Variants in SUSD1 observed in about 807,000 individuals in gnomAD.
SUSD1 encodes the protein sushi domain-containing protein 1.
In SUSD1, 65 loss-of-function variants were observed where a neutral mutation model predicts 86.9. The observed-to-expected ratio is 0.75, with a 90% confidence interval of 0.61 to 0.92. The LOEUF (loss-of-function observed/expected upper bound fraction) is 0.92, where lower values mean the gene tolerates loss of function less well. Ranked by LOEUF, SUSD1 falls within the 40% of genes least tolerant of loss-of-function variation. The probability of loss-of-function intolerance (pLI) is 0.00; values close to 1 mark genes in which losing one functional copy is unlikely to be tolerated. For missense variants in SUSD1, 850 were observed against 929.7 expected, an observed-to-expected ratio of 0.91 and a Z score of 1.11; for synonymous variants, 346 against 350.0, an observed-to-expected ratio of 0.99 and a Z score of 0.13.
chr9:112,114,069 A>C (rs1831211743), intron 6 of SUSD1, among the ~76,000 whole-genome samples: 1 of 152,254 alleles, frequency 6.6e-6, no homozygotes, highest in African/African-American at 2.4e-5. Context: ...CAGCTGAGAA[A>C]GGAGGTCAGT....
At chr9:112,091,182 T>A (rs1022047567) in intron 10 of SUSD1, among the ~76,000 whole-genome samples, 2 of 152,112 alleles carry the variant, frequency 1.3e-5, no homozygotes, top group Non-Finnish European at 2.9e-5. Context: ...AGGCTAATGG[T>A]TTGTAAGAAA....
intron 5 of SUSD1, among the ~76,000 whole-genome samples, chr9:112,127,912 T>C (rs915049074): frequency 2.0e-5 from 3 of 150,622 alleles, no homozygotes; most frequent in Admixed American, 6.6e-5. Context: ...AAGAAATCCT[T>C]CCACCTCTGC....
intron 12 of SUSD1, among the ~76,000 whole-genome samples, chr9:112,073,673 A>G (rs1330442487): frequency 1.3e-5 from 2 of 152,076 alleles, no homozygotes; most frequent in African/African-American, 4.8e-5. Flanking sequence ...AGATCACTTG[A>G]GGTCAGGAGT....
At chr9:112,067,642 C>T (rs1829048640) in intron 12 of SUSD1, among the ~76,000 whole-genome samples, 1 of 152,154 alleles carries the variant, frequency 6.6e-6, no homozygotes, top group African/African-American at 2.4e-5. Context: ...GTGGTGGAGA[C>T]AGTGAGGACA....
chr9:112,076,131 G>C (rs1051046435), intron 12 of SUSD1, among the ~76,000 whole-genome samples: 1 of 152,198 alleles, frequency 6.6e-6, no homozygotes, highest in Non-Finnish European at 1.5e-5. Context: ...GTGCTGACAT[G>C]TTCCCAAATG....
intron 1 of SUSD1, among the ~76,000 whole-genome samples, chr9:112,172,972 T>G (rs1380865554): frequency 6.6e-6 from 1 of 152,186 alleles, no homozygotes; most frequent in Non-Finnish European, 1.5e-5. Flanking sequence ...AGCCTTGACT[T>G]CTGTTTCCCC....
At chr9:112,059,883 G>A (rs982495189) in intron 13 of SUSD1, among the ~76,000 whole-genome samples, 11 of 152,120 alleles carry the variant, frequency 7.2e-5, no homozygotes, top group Admixed American at 6.6e-4. Context: ...GGATCTGAAC[G>A]ACTGACTTGT....
chr9:112,091,416 C>G (rs1469865811), intron 10 of SUSD1, among the ~76,000 whole-genome samples: 1 of 152,152 alleles, frequency 6.6e-6, no homozygotes, highest in Non-Finnish European at 1.5e-5. Context: ...AGAAAGCCAC[C>G]TTAAGAGTAA....
At chr9:112,174,565 G>C (rs1229787883) in intron 1 of SUSD1, among the ~76,000 whole-genome samples, 1 of 152,096 alleles carries the variant, frequency 6.6e-6, no homozygotes, top group African/African-American at 2.4e-5. Flanking sequence ...ATCGCGCACA[G>C]GGAAGCTGTT....
chr9:112,069,603 T>G (rs140576652), intron 12 of SUSD1, among the ~76,000 whole-genome samples: 116 of 152,280 alleles, frequency 7.6e-4, no homozygotes, highest in African/African-American at 2.6e-3. Flanking sequence ...AAAATTAACT[T>G]TTTTTATTAC....
At chr9:112,067,990 A>G (rs1407931654) in intron 12 of SUSD1, among the ~76,000 whole-genome samples, 2 of 152,202 alleles carry the variant, frequency 1.3e-5, no homozygotes, top group African/African-American at 4.8e-5. Context: ...TTGTTAAAGC[A>G]CTACTATATA....
intron 8 of SUSD1, among the ~76,000 whole-genome samples, chr9:112,110,943 C>T (rs1192929246): frequency 6.6e-6 from 1 of 152,160 alleles, no homozygotes; most frequent in Non-Finnish European, 1.5e-5. Flanking sequence ...GTCAGCCTCC[C>T]TGGCACCTCC....
chr9:112,074,933 C>G (rs1055093650), intron 12 of SUSD1, among the ~76,000 whole-genome samples: 11 of 151,896 alleles, frequency 7.2e-5, no homozygotes, highest in African/African-American at 2.7e-4. Flanking sequence ...AACAATGTCC[C>G]CTGGTGGCCA....
chr9:112,041,952 G>A lies in SUSD1; in HGVS notation c.2158C>T (p.Leu720Phe), dbSNP rs773219985. The A allele has an allele frequency of 2.4e-5, 39 of 1,613,772 alleles. No homozygotes were observed. The highest frequency in any genetic ancestry group is 3.2e-5 in the Non-Finnish European group (38 of 1,179,884). The part of the protein sequence containing the change: ...AVWAQVKDSS[L>F]MLLQMAGVGL... Reference sequence around the variant, plus strand: ...ACACCCGCCATCTGCAGCAGCATGAGTGACGAATCTGTGGGACAAAACCAC... The same window carrying A: ...ACACCCGCCATCTGCAGCAGCATGAATGACGAATCTGTGGGACAAAACCAC... Residue 720 changes from leucine to phenylalanine, a missense_variant, in exon 16 of 17, where the codon CTC becomes TTC. Coordinates refer to ENST00000374270, the MANE Select transcript of SUSD1 (RefSeq NM_022486.5).
chr9:112,139,575 G>C (rs769889641), intron 5 of SUSD1, among the ~76,000 whole-genome samples: 20 of 151,998 alleles, frequency 1.3e-4, no homozygotes, highest in Non-Finnish European at 2.1e-4. Context: ...CTCCCAAGTA[G>C]CTGGGACTAT....
At chr9:112,137,621 T>G (rs879121927) in intron 5 of SUSD1, among the ~76,000 whole-genome samples, 1 of 152,234 alleles carries the variant, frequency 6.6e-6, no homozygotes, top group Admixed American at 6.5e-5. Context: ...TGATAATTAA[T>G]GATCAAAATG....
chr9:112,132,559 G>A (rs1324353649), intron 5 of SUSD1, among the ~76,000 whole-genome samples: 1 of 152,158 alleles, frequency 6.6e-6, no homozygotes, highest in Non-Finnish European at 1.5e-5. Flanking sequence ...GTGGAATGTT[G>A]TAAGGGCCTA....
chr9:112,059,638 A>T (rs2118969063), intron 13 of SUSD1, among the ~76,000 whole-genome samples: 1 of 152,366 alleles, frequency 6.6e-6, no homozygotes, highest in African/African-American at 2.4e-5. Context: ...TATGCACTGT[A>T]AAAACTGTTC....
intron 1 of SUSD1, among the ~76,000 whole-genome samples, chr9:112,159,742 A>C (rs1236220717): frequency 6.6e-6 from 1 of 152,260 alleles, no homozygotes; most frequent in Non-Finnish European, 1.5e-5. Context: ...TGTAAGACTT[A>C]TGCGTTTTTA....
Sources: allele counts gnomAD v4.1 joint callset (sites outside exome capture counted in the v4.1 genomes callset), GRCh38; gene constraint gnomAD v4.1.1; transcripts MANE v1.5; gene names NCBI Gene and HGNC (gene_info 2026-07-23, HGNC 2026-07-21).